The following TPTE2 variants were observed in gnomAD, a reference collection of about 807,000 sequenced individuals.
TPTE2 encodes transmembrane phosphoinositide 3-phosphatase and tensin homolog 2.
In TPTE2, 53 loss-of-function variants were observed where a neutral mutation model predicts 78.6. The observed-to-expected ratio is 0.67, with a 90% confidence interval of 0.54 to 0.85. TPTE2 has a LOEUF of 0.85. Among genes scored for constraint, TPTE2 ranks in the 40% least tolerant of loss-of-function variants. The probability of loss-of-function intolerance (pLI) is 0.00; values close to 1 mark genes in which losing one functional copy is unlikely to be tolerated. For missense variants in TPTE2, 461 were observed against 623.0 expected (o/e 0.74, Z 2.77); for synonymous variants, 175 against 206.2 (o/e 0.85, Z 1.30).
At chr13:19,541,228 C>T (rs184553629), upstream of TPTE2, among the ~76,000 whole-genome samples, 122 of 152,276 alleles carry the variant, frequency 8.0e-4, 1 homozygote, top group African/African-American at 2.3e-3. Flanking sequence ...CACTCTAGTC[C>T]GCTAACAAGC....
chr13:19,534,909 A>T (rs140690131), intron 1 of TPTE2, among the ~76,000 whole-genome samples: 132 of 152,322 alleles, frequency 8.7e-4, no homozygotes, highest in African/African-American at 2.9e-3. Context: ...GAATCTTAAG[A>T]TAATATACTC....
intron 1 of TPTE2, among the ~76,000 whole-genome samples, chr13:19,525,072 T>A (rs903649568): frequency 6.6e-6 from 1 of 152,092 alleles, no homozygotes; most frequent in African/African-American, 2.4e-5. Context: ...GAGGGCAACA[T>A]TGAAGTTTCA....
intron 13 of TPTE2, among the ~76,000 whole-genome samples, chr13:19,449,244 G>A (rs1363662767): frequency 1.3e-5 from 2 of 152,144 alleles, no homozygotes; most frequent in African/African-American, 4.8e-5. Context: ...TGCGATCTCA[G>A]CTCACTGCAA....
At chr13:19,434,696 GTTC>G (rs1876939937) in intron 15 of TPTE2, among the ~76,000 whole-genome samples, 1 of 152,108 alleles carries the variant, frequency 6.6e-6, no homozygotes, top group Admixed American at 6.6e-5. Flanking sequence ...TAGTTAGAGT[GTTC>G]TTCTAACGGG....
intron 1 of TPTE2, among the ~76,000 whole-genome samples, chr13:19,522,240 A>G (rs1009483705): frequency 1.1e-4 from 17 of 152,240 alleles, no homozygotes; most frequent in African/African-American, 3.6e-4. Context: ...TTGGCCCAAT[A>G]TGCAATGGTA....
intron 17 of TPTE2, among the ~76,000 whole-genome samples, chr13:19,429,329 G>T (rs537842720): frequency 3.4e-4 from 51 of 152,230 alleles, no homozygotes; most frequent in Non-Finnish European, 5.9e-4. Context: ...ATAGAAAACT[G>T]TCAAAGGCAT....
At chr13:19,503,080 G>T in intron 1 of TPTE2, 144 bp downstream of exon 4, 1 of 1,132,552 alleles carries the variant, frequency 8.8e-7, no homozygotes, top group Non-Finnish European at 1.3e-6. Context: ...GTGTGCATGG[G>T]TTAGTGGATG....
At chr13:19,509,330 A>G (rs1869276952) in intron 1 of TPTE2, among the ~76,000 whole-genome samples, 2 of 152,184 alleles carry the variant, frequency 1.3e-5, no homozygotes, top group African/African-American at 2.4e-5. Flanking sequence ...GAAGATTAAC[A>G]AAACAAAAGT....
Position 19,478,391 on chromosome 13 carries a change from C to A in TPTE2, c.180-2768G>T, listed in dbSNP as rs367653403. Among the ~76,000 whole-genome samples the A allele has an allele frequency of 1.6e-3, 240 of 152,282 alleles. 1 individual carries two copies. Among genetic ancestry groups the A allele is most frequent in the African/African-American group, 5.6e-3 (232 of 41,556 alleles). ...TTCTCAAAAGAAGACATTTATGCAGCCAACAGACACATGAAAAATTGCTCA... is the reference window on the plus strand; with the variant it reads ...TTCTCAAAAGAAGACATTTATGCAGACAACAGACACATGAAAAATTGCTCA... On this transcript the variant is annotated intron_variant, in intron 4 of 19. Transcript: ENST00000400230.
At chr13:19,557,386 T>G in the TPTE2 span, among the ~76,000 whole-genome samples, 5 of 152,200 alleles carry the variant, frequency 3.3e-5, no homozygotes, top group Non-Finnish European at 5.9e-5. Context: ...GTCAAGGCCC[T>G]GGTGCCCAGC....
At chr13:19,539,385 G>A (rs1871374185), upstream of TPTE2, among the ~76,000 whole-genome samples, 1 of 152,180 alleles carries the variant, frequency 6.6e-6, no homozygotes, top group Admixed American at 6.5e-5. Context: ...AGTCTTATGA[G>A]ATCTGATGGT....
At chr13:19,437,917 C>G (rs1877216581) in intron 14 of TPTE2, among the ~76,000 whole-genome samples, 175 bp downstream of exon 17, 1 of 152,170 alleles carries the variant, frequency 6.6e-6, no homozygotes, top group African/African-American at 2.4e-5. Flanking sequence ...CAGCTACTAA[C>G]TAGTGCACGT....
At chr13:19,502,647 G>A (rs896356292) in intron 1 of TPTE2, among the ~76,000 whole-genome samples, 2 of 145,220 alleles carry the variant, frequency 1.4e-5, no homozygotes, top group African/African-American at 5.1e-5. Flanking sequence ...GGGGACTGTT[G>A]TGGGGTAGGG....
chr13:19,554,403 T>TAAATAAATATA, the TPTE2 span, among the ~76,000 whole-genome samples: 9 of 64,550 alleles, frequency 1.4e-4, no homozygotes, highest in Non-Finnish European at 9.5e-5. Flanking sequence ...TAAATAAATA[T>TAAATAAATATA]AAAAAATAAA....
chr13:19,452,616 G>A (rs1225293815), intron 10 of TPTE2, among the ~76,000 whole-genome samples: 1 of 152,098 alleles, frequency 6.6e-6, no homozygotes, highest in Non-Finnish European at 1.5e-5. Flanking sequence ...ACAATGAAAT[G>A]CCATTTGCAC....
At position 19,460,474 on chromosome 13, in the gene TPTE2, C is replaced by T. The variant is rs572572488; in HGVS notation, c.741+3982G>A. On this transcript the variant is annotated intron_variant, in intron 10 of 19. Coordinates refer to ENST00000400230, the Ensembl canonical transcript of TPTE2. ...CCCTTTTCATTCCTCTTTGTGAGCG[C>T]GGCAGACTGCAGCTGCTTCTAATTG... is the stretch of plus-strand genomic sequence containing the variant. Among the ~76,000 whole-genome samples, 57 of 152,318 alleles carry T rather than the reference C, an allele frequency of 3.7e-4. 1 individual carries two copies. Among genetic ancestry groups the T allele is most frequent in the Admixed American group, 9.1e-4 (14 of 15,304 alleles).
chr13:19,486,559 C>A lies in TPTE2; in HGVS notation c.120-4012G>T, dbSNP rs751599727. Reference sequence around the variant, plus strand: ...TCAGGCCCAGGACGCAGGCACACAGCTGTTTGCCTGGCCTGGAAGCATGCA... The same window carrying A: ...TCAGGCCCAGGACGCAGGCACACAGATGTTTGCCTGGCCTGGAAGCATGCA... On this transcript the variant is annotated intron_variant, in intron 3 of 19. Coordinates refer to ENST00000400230, the Ensembl canonical transcript of TPTE2. The surrounding 1 kb of genome is among the most constrained non-coding windows in gnomAD (Gnocchi z 4.3). Among the ~76,000 whole-genome samples, 1 of 152,192 alleles carries A rather than the reference C, an allele frequency of 6.6e-6. No individual in the cohort carries two copies. The highest frequency in any genetic ancestry group is 1.5e-5 in the Non-Finnish European group (1 of 68,020).
At chr13:19,475,113 A>G (rs544392716) in intron 5 of TPTE2, among the ~76,000 whole-genome samples, 8 of 152,336 alleles carry the variant, frequency 5.3e-5, no homozygotes, top group African/African-American at 1.7e-4. Flanking sequence ...ATGGCTACTT[A>G]GCAACTGATG....
intron 1 of TPTE2, among the ~76,000 whole-genome samples, chr13:19,498,895 A>G (rs1158969937): frequency 6.6e-6 from 1 of 152,226 alleles, no homozygotes; most frequent in Non-Finnish European, 1.5e-5. Flanking sequence ...TGCTGTATTC[A>G]GAAAACCCAT....
Sources: gnomAD v4.1 joint callset for allele counts (sites outside exome capture counted in the v4.1 genomes callset) on GRCh38, gnomAD v4.1.1 for gene constraint, Gnocchi (gnomAD v3.1) non-coding constraint, MANE v1.5 for transcripts, NCBI Gene and HGNC (gene_info 2026-07-23, HGNC 2026-07-21) for gene names.